SLX4IP: variants seen among roughly 807,000 people sequenced by gnomAD.
SLX4IP encodes the protein protein SLX4IP.
In SLX4IP, 34 loss-of-function variants were observed where a neutral mutation model predicts 32.9. The ratio of observed to expected loss-of-function variants is 1.03; its 90% CI spans 0.79 to 1.38. The LOEUF is 1.38. SLX4IP is among the 40% of genes most tolerant of loss of function. SLX4IP has a pLI of 0.00. For synonymous variants in SLX4IP, 172 were observed against 171.7 expected, an observed-to-expected ratio of 1.00 and a Z score of -0.01; for missense variants, 444 against 479.0, an observed-to-expected ratio of 0.93 and a Z score of 0.68.
intron 2 of SLX4IP, among the ~76,000 whole-genome samples, chr20:10,529,875 A>G (rs2065973296): frequency 6.6e-6 from 1 of 152,154 alleles, no homozygotes; most frequent in South Asian, 2.1e-4. Flanking sequence ...GTTTGGAAAT[A>G]GTTTCATTTC....
intron 1 of SLX4IP, among the ~76,000 whole-genome samples, chr20:10,444,408 C>T (rs538259857): frequency 2.6e-5 from 4 of 151,952 alleles, no homozygotes; most frequent in Non-Finnish European, 4.4e-5. Context: ...GCTGGAGTCT[C>T]GCTCTGTCAC....
At chr20:10,604,920 G>A (rs755442809) in intron 6 of SLX4IP, among the ~76,000 whole-genome samples, 7 of 152,144 alleles carry the variant, frequency 4.6e-5, no homozygotes, top group Non-Finnish European at 7.4e-5. Flanking sequence ...AGTCTTTTGA[G>A]AGTTTTTACC....
chr20:10,438,555 G>T (rs990685729), intron 1 of SLX4IP, among the ~76,000 whole-genome samples: 13 of 141,888 alleles, frequency 9.2e-5, no homozygotes, highest in Non-Finnish European at 1.6e-4. Context: ...TTGGCTCACT[G>T]CAACCTCCGC....
Position 10,624,296 on chromosome 20 carries a change from T to C in SLX4IP, c.*917T>C, listed in dbSNP as rs2067149320. On this transcript the variant is annotated 3_prime_UTR_variant, in exon 8 of 8. Transcript: ENST00000334534. ...TTGCACCCACCTCCAGGATTTTGGT[T>C]TGGGACAGACTATAACCTAACAGGA... 6.6e-6 allele frequency: 1 copy of C among 152,218 alleles called. No homozygotes were observed. The highest frequency in any genetic ancestry group is 2.4e-5 in the African/African-American group (1 of 41,456). The allele number at this position is 152,218 out of a possible 1,614,324, so 9.4% of individuals were successfully genotyped here. A position where few individuals can be genotyped will look rare whatever the true frequency, so the allele number is the denominator to read the frequency against.
intron 2 of SLX4IP, among the ~76,000 whole-genome samples, chr20:10,498,898 A>C (rs2065692978): frequency 6.6e-6 from 1 of 152,070 alleles, no homozygotes; most frequent in African/African-American, 2.4e-5. Context: ...TTAGAACAAT[A>C]GCGATTCTTA....
At chr20:10,504,739 A>G (rs756908358) in intron 2 of SLX4IP, among the ~76,000 whole-genome samples, 2 of 152,180 alleles carry the variant, frequency 1.3e-5, no homozygotes, top group Non-Finnish European at 2.9e-5. Flanking sequence ...GAGGAAGGCC[A>G]TGTTAAATGG....
At chr20:10,502,735 A>G (rs750279360) in intron 2 of SLX4IP, among the ~76,000 whole-genome samples, 97 of 149,164 alleles carry the variant, frequency 6.5e-4, no homozygotes, top group Non-Finnish European at 5.5e-4. Context: ...CTTTTTCATC[A>G]TACTCAAGTC....
At chr20:10,451,867 C>T (rs894908305) in intron 1 of SLX4IP, among the ~76,000 whole-genome samples, 2 of 152,052 alleles carry the variant, frequency 1.3e-5, no homozygotes, top group Non-Finnish European at 2.9e-5. Flanking sequence ...ACTTGGGAGG[C>T]TGAGGCAGGG....
At chr20:10,548,850 A>T (rs2066190751) in intron 2 of SLX4IP, among the ~76,000 whole-genome samples, 2 of 152,224 alleles carry the variant, frequency 1.3e-5, no homozygotes, top group Admixed American at 1.3e-4. Context: ...CATGAATCTT[A>T]TTGTTATTGC....
intron 4 of SLX4IP, among the ~76,000 whole-genome samples, chr20:10,598,103 T>C (rs2066794881): frequency 6.6e-6 from 1 of 152,182 alleles, no homozygotes; most frequent in Non-Finnish European, 1.5e-5. Context: ...CATCTGAAAG[T>C]ACGTTAGACC....
intron 6 of SLX4IP, among the ~76,000 whole-genome samples, chr20:10,616,988 C>T (rs924083494): frequency 6.6e-6 from 1 of 152,284 alleles, no homozygotes; most frequent in Non-Finnish European, 1.5e-5. Context: ...ATTCTGTGTG[C>T]CTTTAGGGCA....
At chr20:10,601,539 C>T (rs1440725481) in intron 5 of SLX4IP, among the ~76,000 whole-genome samples, 192 bp from the exon 6 acceptor site, 1 of 152,176 alleles carries the variant, frequency 6.6e-6, no homozygotes, top group African/African-American at 2.4e-5. Context: ...GCCTCATCAG[C>T]TCTCCCTAGA....
chr20:10,615,109 G>A (rs1287929409), intron 6 of SLX4IP, among the ~76,000 whole-genome samples: 5 of 151,616 alleles, frequency 3.3e-5, no homozygotes, highest in East Asian at 3.9e-4. Context: ...CAATTTGCTC[G>A]TACAGTTCAC....
intron 2 of SLX4IP, among the ~76,000 whole-genome samples, chr20:10,530,183 G>A (rs1270145031): frequency 6.6e-6 from 1 of 152,222 alleles, no homozygotes; most frequent in East Asian, 1.9e-4. Flanking sequence ...GTAAGGCGGT[G>A]CAGTCTCAGA....
intron 6 of SLX4IP, 76 bp from the exon 7 acceptor site, chr20:10,621,238 C>A: frequency 7.9e-7 from 1 of 1,260,580 alleles, no homozygotes; most frequent in Non-Finnish European, 1.2e-6. Flanking sequence ...TTCATTGGGG[C>A]ATTCAGAGTG....
intron 6 of SLX4IP, among the ~76,000 whole-genome samples, chr20:10,604,279 T>C (rs748190268): frequency 6.6e-6 from 1 of 152,244 alleles, no homozygotes; most frequent in Non-Finnish European, 1.5e-5. Context: ...GTATAACTAT[T>C]GACTTAACTC....
At chr20:10,575,843 A>G (rs768323349) in intron 4 of SLX4IP, among the ~76,000 whole-genome samples, 36 of 152,110 alleles carry the variant, frequency 2.4e-4, no homozygotes, top group Non-Finnish European at 4.6e-4. Flanking sequence ...CCTAATATTA[A>G]CACCCATAAG....
intron 4 of SLX4IP, among the ~76,000 whole-genome samples, chr20:10,587,500 G>A (rs2122533156): frequency 6.6e-6 from 1 of 152,106 alleles, no homozygotes; most frequent in African/African-American, 2.4e-5. Context: ...AAATATACAG[G>A]TGAAAAAATT....
chr20:10,472,808 T>C (rs2065437284), intron 2 of SLX4IP, among the ~76,000 whole-genome samples: 1 of 152,230 alleles, frequency 6.6e-6, no homozygotes, highest in South Asian at 2.1e-4. Context: ...TTTCCCTTCT[T>C]TGTTACCTGA....
Sources: allele counts gnomAD v4.1 joint callset (sites outside exome capture counted in the v4.1 genomes callset), GRCh38; gene constraint gnomAD v4.1.1; transcripts MANE v1.5; gene names NCBI Gene and HGNC (gene_info 2026-07-23, HGNC 2026-07-21).